Variants in RBFOX1 observed in about 807,000 individuals in gnomAD.
The protein encoded by RBFOX1 is RNA binding protein fox-1 homolog 1.
In RBFOX1, 8 loss-of-function variants were observed where a neutral mutation model predicts 57.7. The observed-to-expected ratio is 0.14, with a 90% confidence interval of 0.08 to 0.25. RBFOX1 has a LOEUF of 0.25. RBFOX1 is among the 10% of genes least tolerant of loss of function. RBFOX1 has a pLI of 1.00. For missense variants in RBFOX1, 611 were observed against 548.5 expected (o/e 1.11, Z -1.14); for synonymous variants, 326 against 222.4 (o/e 1.47, Z -4.15).
intron 2 of RBFOX1, among the ~76,000 whole-genome samples, chr16:5,525,212 C>T (rs930036869): frequency 2.6e-5 from 4 of 152,126 alleles, no homozygotes; most frequent in Non-Finnish European, 4.4e-5. Context: ...GTCCGGTCTT[C>T]ATCTTTGCAG....
chr16:5,872,752 A>G (rs918776823), intron 4 of RBFOX1, among the ~76,000 whole-genome samples: 3 of 152,168 alleles, frequency 2.0e-5, no homozygotes, highest in African/African-American at 7.2e-5. Flanking sequence ...AAAGAAAAAA[A>G]GAAAGAAAAT....
intron 2 of RBFOX1, among the ~76,000 whole-genome samples, chr16:6,457,443 C>CCCCT (rs1555484711): frequency 4.0e-5 from 3 of 75,100 alleles, no homozygotes; most frequent in Non-Finnish European, 8.3e-5. Context: ...GGAAGTCCCC[C>CCCCT]CCCCCGCAAT....
At chr16:6,881,707 T>C (rs1173597979) in intron 3 of RBFOX1, among the ~76,000 whole-genome samples, 1 of 152,154 alleles carries the variant, frequency 6.6e-6, no homozygotes, top group African/African-American at 2.4e-5. Context: ...TAACGTTGAA[T>C]TTGCGGGGAC....
At chr16:7,367,163 G>T (rs1169023196) in intron 4 of RBFOX1, among the ~76,000 whole-genome samples, 1 of 152,114 alleles carries the variant, frequency 6.6e-6, no homozygotes, top group Non-Finnish European at 1.5e-5. Context: ...GGGCTAGGTG[G>T]TGTTGGCAAT....
At chr16:6,679,977 A>G (rs1030305385) in intron 3 of RBFOX1, among the ~76,000 whole-genome samples, 1 of 147,886 alleles carries the variant, frequency 6.8e-6, no homozygotes, top group African/African-American at 2.6e-5. Flanking sequence ...AATCTGCCTG[A>G]CAGGCAAGAC....
At chr16:5,987,562 G>C (rs934398396) in intron 4 of RBFOX1, among the ~76,000 whole-genome samples, 3 of 152,072 alleles carry the variant, frequency 2.0e-5, no homozygotes, top group Non-Finnish European at 2.9e-5. Flanking sequence ...GGGCACAGGG[G>C]CATGTGGGCA....
chr16:5,710,398 G>T (rs1306523036), intron 3 of RBFOX1, among the ~76,000 whole-genome samples: 1 of 152,156 alleles, frequency 6.6e-6, no homozygotes, highest in Non-Finnish European at 1.5e-5. Context: ...CTCTTCATTT[G>T]CTGCTTGGTA....
chr16:6,769,418 C>T (rs1365014124), intron 3 of RBFOX1, among the ~76,000 whole-genome samples: 1 of 152,182 alleles, frequency 6.6e-6, no homozygotes, highest in African/African-American at 2.4e-5. Flanking sequence ...TACAGCAGTA[C>T]ATCAGGAATA....
chr16:6,513,317 C>G (rs1338402558), intron 2 of RBFOX1, among the ~76,000 whole-genome samples: 1 of 152,184 alleles, frequency 6.6e-6, no homozygotes, highest in Admixed American at 6.5e-5. Flanking sequence ...GTGATTCTGT[C>G]AGCTTCTCCT....
chr16:6,465,898 G>T lies in RBFOX1; in HGVS notation c.-64+148841G>T, dbSNP rs543734199. Among the ~76,000 whole-genome samples, 66 of 152,134 alleles carry T rather than the reference G, an allele frequency of 4.3e-4. 2 individuals carry two copies. The highest frequency in any genetic ancestry group is 1.5e-3 in the African/African-American group (62 of 41,518). On this transcript the variant is annotated intron_variant, in intron 2 of 15. Transcript: ENST00000550418. Reference sequence around the variant, plus strand: ...CATTTGTGTGTTTGTGTGTGTGTGTGTGTGTTCTTTAAACTTTTAAGCTAA... The same window carrying T: ...CATTTGTGTGTTTGTGTGTGTGTGTTTGTGTTCTTTAAACTTTTAAGCTAA...
chr16:7,524,701 G>C (rs1366428089), intron 5 of RBFOX1, among the ~76,000 whole-genome samples: 2 of 152,332 alleles, frequency 1.3e-5, no homozygotes, highest in East Asian at 1.9e-4. Flanking sequence ...ACTATTTAGA[G>C]AGCCAGGTTC....
At chr16:6,496,762 C>G (rs1387813270) in intron 2 of RBFOX1, among the ~76,000 whole-genome samples, 4 of 152,048 alleles carry the variant, frequency 2.6e-5, no homozygotes, top group African/African-American at 9.7e-5. Context: ...GAGTTCGAGA[C>G]CAGCCTGGCC....
At chr16:5,538,951 A>T (rs2044817748) in intron 2 of RBFOX1, among the ~76,000 whole-genome samples, 1 of 152,144 alleles carries the variant, frequency 6.6e-6, no homozygotes. Flanking sequence ...GAGAGGGTTC[A>T]GCAAAGCCAA....
intron 1 of RBFOX1, among the ~76,000 whole-genome samples, chr16:6,098,766 T>C (rs1435010772): frequency 6.6e-6 from 1 of 152,190 alleles, no homozygotes; most frequent in African/African-American, 2.4e-5. Context: ...ACTGTTTTAC[T>C]AACAAGTTCC....
chr16:6,193,355 A>ATT (rs1300323845), intron 1 of RBFOX1, among the ~76,000 whole-genome samples: 2 of 83,594 alleles, frequency 2.4e-5, no homozygotes, highest in East Asian at 3.6e-4. Context: ...ATATATATAC[A>ATT]TTATATATAT....
At chr16:5,766,524 G>C (rs527728377) in intron 3 of RBFOX1, among the ~76,000 whole-genome samples, 5 of 152,192 alleles carry the variant, frequency 3.3e-5, no homozygotes, top group Non-Finnish European at 5.9e-5. Context: ...GGCAGAGGTT[G>C]CAGTGAGCCG....
At chr16:5,503,134 G>A (rs541343427) in intron 2 of RBFOX1, among the ~76,000 whole-genome samples, 30 of 152,314 alleles carry the variant, frequency 2.0e-4, no homozygotes, top group Admixed American at 9.8e-4. Context: ...GGGTGGAGCC[G>A]CAGTTCTGCC....
intron 4 of RBFOX1, among the ~76,000 whole-genome samples, chr16:7,086,436 A>G (rs928970385): frequency 6.6e-6 from 1 of 152,202 alleles, no homozygotes; most frequent in African/African-American, 2.4e-5. Context: ...CACTGCATCA[A>G]TTAATATGCT....
At chr16:7,237,529 G>C (rs2093829998) in intron 4 of RBFOX1, among the ~76,000 whole-genome samples, 1 of 152,208 alleles carries the variant, frequency 6.6e-6, no homozygotes, top group African/African-American at 2.4e-5. Flanking sequence ...AATGAGAAAA[G>C]TGAAAAGCAA....
Sources: allele counts gnomAD v4.1 joint callset (sites outside exome capture counted in the v4.1 genomes callset), GRCh38; gene constraint gnomAD v4.1.1; transcripts MANE v1.5; gene names NCBI Gene and HGNC (gene_info 2026-07-23, HGNC 2026-07-21).